SOS1: variants seen among roughly 807,000 people sequenced by gnomAD.
The protein encoded by SOS1 is son of sevenless homolog 1.
Under a neutral mutation model 157.6 loss-of-function variants are expected in SOS1, and 25 were observed. The ratio of observed to expected loss-of-function variants is 0.16; its 90% CI spans 0.12 to 0.22. The LOEUF is 0.22. SOS1 is among the 10% of genes least tolerant of loss of function. SOS1 has a pLI of 1.00. For missense variants in SOS1, 1,237 were observed against 1,599.1 expected, an observed-to-expected ratio of 0.77 and a Z score of 3.86; for synonymous variants, 528 against 534.0, an observed-to-expected ratio of 0.99 and a Z score of 0.16.
chr2:39,030,415 A>C (rs1187446983), intron 8 of SOS1, among the ~76,000 whole-genome samples: 2 of 152,038 alleles, frequency 1.3e-5, no homozygotes, highest in African/African-American at 4.8e-5. Flanking sequence ...AAATAATTTA[A>C]AAAAATTAGT....
At chr2:39,040,042 T>C (rs1487583782) in intron 6 of SOS1, among the ~76,000 whole-genome samples, 6 of 152,206 alleles carry the variant, frequency 3.9e-5, no homozygotes, top group East Asian at 3.9e-4. Context: ...GATGGAGTCT[T>C]GCTCTGTCGC....
At chr2:39,096,467 G>T (rs1050127795) in intron 1 of SOS1, among the ~76,000 whole-genome samples, 6 of 152,292 alleles carry the variant, frequency 3.9e-5, no homozygotes, top group African/African-American at 9.6e-5. Flanking sequence ...CTATATTCAT[G>T]TATTACTTTG....
intron 1 of SOS1, among the ~76,000 whole-genome samples, chr2:39,077,623 G>C (rs297134): frequency 0.78 from 119,061 of 152,120 alleles, 49,427 homozygotes; most frequent in Non-Finnish European, 0.92. Context: ...AAGATACTAA[G>C]ATATTAGTGC....
intron 19 of SOS1, among the ~76,000 whole-genome samples, chr2:38,996,345 T>TGTAA (rs1668891416): frequency 6.6e-6 from 1 of 152,138 alleles, no homozygotes; most frequent in Non-Finnish European, 1.5e-5. Flanking sequence ...CCGCCTCAGC[T>TGTAA]TCCCAAAGTG....
At position 39,120,986 on chromosome 2, in the gene SOS1, G is replaced by GCCGCCA. The variant is rs1339399852; in HGVS notation, c.-570_-565dup. 3.4e-5 allele frequency: 6 copies of GCCGCCA among 175,668 alleles called. No individual in the cohort carries two copies. Among genetic ancestry groups the GCCGCCA allele is most frequent in the Non-Finnish European group, 7.0e-5 (6 of 86,014 alleles). The allele number at this position is 175,668 out of a possible 1,614,324, so 10.9% of individuals were successfully genotyped here. On this transcript the variant is annotated 5_prime_UTR_variant, in exon 1 of 23. Coordinates refer to ENST00000402219, the MANE Select transcript of SOS1 (RefSeq NM_005633.4). ...GCCCTGAGGTGCCGCCGCGGCCGCC[G>GCCGCCA]CCGCCACCGCCGCCGCCGGTGTAGC...
intron 2 of SOS1, among the ~76,000 whole-genome samples, chr2:39,064,765 T>TTTG (rs1553364078): frequency 6.9e-6 from 1 of 143,926 alleles, no homozygotes; most frequent in East Asian, 2.0e-4. Flanking sequence ...TTTTTTTTTT[T>TTTG]GGAGATGGAG....
chr2:38,981,887 A>G lies in SOS1; in HGVS notation c.*3937T>C, dbSNP rs1215955252. The G allele has an allele frequency of 6.6e-6, 1 of 152,188 alleles. No individual in the cohort carries two copies. Among genetic ancestry groups the G allele is most frequent in the Non-Finnish European group, 1.5e-5 (1 of 68,022 alleles). The allele number at this position is 152,188 out of a possible 1,614,324, so 9.4% of individuals were successfully genotyped here. On this transcript the variant is annotated 3_prime_UTR_variant, in exon 23 of 23. Coordinates refer to ENST00000402219, the MANE Select transcript of SOS1 (RefSeq NM_005633.4). ...GACAAACAAATTCTCTGGTGGTTTCACCAGATATTTGCACCCCAAAGTTCC... is the reference window on the plus strand; with the variant it reads ...GACAAACAAATTCTCTGGTGGTTTCGCCAGATATTTGCACCCCAAAGTTCC...
intron 1 of SOS1, among the ~76,000 whole-genome samples, chr2:39,102,353 T>C (rs562054800): frequency 2.0e-5 from 3 of 149,886 alleles, no homozygotes; most frequent in Non-Finnish European, 3.0e-5. Context: ...TGAGAGTTCA[T>C]CTTTACCAAA....
intron 6 of SOS1, among the ~76,000 whole-genome samples, chr2:39,044,841 T>TGC (rs1670697356): frequency 7.7e-6 from 1 of 129,610 alleles, no homozygotes; most frequent in Non-Finnish European, 1.6e-5. Context: ...GATGACTGTG[T>TGC]ACACACACAT....
At position 39,010,501 on chromosome 2, in the gene SOS1, C is replaced by CA. The variant is rs572677322; in HGVS notation, c.2510+82dup. On this transcript the variant is annotated intron_variant, in intron 15 of 22. Transcript: ENST00000402219. ...TATGTGACAGAGCAAAACTCCGTCT[C>CA]AAAAAAAACAAACAAAAAAATTGCA... 8.7e-4 allele frequency: 1,170 copies of CA among 1,338,732 alleles called. 13 individuals carry two copies. Among genetic ancestry groups the CA allele is most frequent in the South Asian group, 7.3e-3 (613 of 84,378 alleles). 82.9% of individuals were successfully genotyped at this position (1,338,732 alleles called of 1,614,324 possible).
chr2:39,104,961 C>A (rs1304814577), intron 1 of SOS1, among the ~76,000 whole-genome samples: 1 of 152,036 alleles, frequency 6.6e-6, no homozygotes, highest in African/African-American at 2.4e-5. Context: ...TAATTAATGG[C>A]CTTCAATTGT....
intron 1 of SOS1, among the ~76,000 whole-genome samples, chr2:39,114,662 T>G (rs1673579392): frequency 6.6e-6 from 1 of 152,102 alleles, no homozygotes; most frequent in African/African-American, 2.4e-5. Context: ...TGGAGTACAG[T>G]GGTGTGATCT....
At chr2:39,045,972 A>G (rs369436652) in intron 6 of SOS1, among the ~76,000 whole-genome samples, 3 of 152,168 alleles carry the variant, frequency 2.0e-5, no homozygotes, top group South Asian at 4.1e-4. Flanking sequence ...TCAGCCTCCC[A>G]AAGTGCTGGA....
At chr2:39,075,695 A>T (rs977666648) in intron 1 of SOS1, among the ~76,000 whole-genome samples, 6 of 151,948 alleles carry the variant, frequency 3.9e-5, no homozygotes, top group Non-Finnish European at 7.4e-5. Context: ...TGACACTTTG[A>T]AAAGTACTAA....
chr2:39,046,341 CATACTGT>C (rs1670782567), intron 6 of SOS1, among the ~76,000 whole-genome samples: 1 of 152,090 alleles, frequency 6.6e-6, no homozygotes, highest in Non-Finnish European at 1.5e-5. Flanking sequence ...GTCCACTTTA[CATACTGT>C]ATATTTTGTT....
rs147654695 is a variant in SOS1 at position 39,076,847 on chromosome 2, T to C, written c.88-9094A>G. 4.6e-5 allele frequency among the ~76,000 whole-genome samples: 7 copies of C among 152,322 alleles called. No individual in the cohort carries two copies. In the East Asian group the frequency reaches 1.3e-3, roughly 29 times the overall value. The stretch of plus-strand genomic sequence containing the variant: ...AAACTGTTATTATTTGCAGGTAATA[T>C]AATTATTCTAATTGAAAACCCAAAA... On this transcript the variant is annotated intron_variant, in intron 1 of 22. Transcript: ENST00000402219.
chr2:39,036,415 A>G (rs1286706986), intron 6 of SOS1, among the ~76,000 whole-genome samples: 1 of 152,100 alleles, frequency 6.6e-6, no homozygotes, highest in Non-Finnish European at 1.5e-5. Flanking sequence ...CCGTAGTGCA[A>G]TCTTGGCTCA....
rs376890886 is a variant in SOS1, at chr2:39,025,210, C to T, written c.1075-1073G>A. Among the ~76,000 whole-genome samples, 26 of 152,122 alleles carry T rather than the reference C, an allele frequency of 1.7e-4. No homozygotes were observed. In the East Asian group the frequency reaches 3.9e-3, roughly 23 times the overall value. On this transcript the variant is annotated intron_variant, in intron 8 of 22. Transcript: ENST00000402219. ...GCTTAAGCCTACGAGTTTGAGATAC[C>T]GTCTATTAAAATAAAATAAAATAAC...
At chr2:39,092,568 GTTTA>G (rs973911844) in intron 1 of SOS1, among the ~76,000 whole-genome samples, 2 of 151,972 alleles carry the variant, frequency 1.3e-5, no homozygotes, top group Admixed American at 6.6e-5. Context: ...TTCTTTGTCT[GTTTA>G]TTTGTCTGCT....
Sources: allele counts gnomAD v4.1 joint callset (sites outside exome capture counted in the v4.1 genomes callset), GRCh38; gene constraint gnomAD v4.1.1; transcripts MANE v1.5; gene names NCBI Gene and HGNC (gene_info 2026-07-23, HGNC 2026-07-21).